The following SNX20 variants were observed in gnomAD, a reference collection of about 807,000 sequenced individuals.
SNX20 encodes sorting nexin 20, also known as sorting nexin-20.
SNX20 carries 21 observed loss-of-function variants against 24.5 expected under a neutral mutation model. That is an observed-to-expected ratio of 0.86 (90% CI 0.61 to 1.23). The LOEUF is 1.23. Among genes scored for constraint, SNX20 ranks in the 50% most tolerant of loss-of-function variants. SNX20 has a pLI of 0.00. For missense variants in SNX20, 433 were observed against 430.8 expected, an observed-to-expected ratio of 1.00 and a Z score of -0.04; for synonymous variants, 206 against 192.8, an observed-to-expected ratio of 1.07 and a Z score of -0.57.
downstream of SNX20, chr16:50,668,613 C>T: frequency 9.8e-7 from 1 of 1,016,602 alleles, no homozygotes; most frequent in Non-Finnish European, 1.2e-6. Context: ...ATTGTTGGGC[C>T]CCAGAGGGAA....
In SNX20 at chr16:50,673,323, A is replaced by AT. The variant is rs1386849803; in HGVS notation, c.*82dup. 7.9e-6 allele frequency: 11 copies of AT among 1,395,582 alleles called. No homozygotes were observed. Among genetic ancestry groups the AT allele is most frequent in the South Asian group, 1.8e-5 (1 of 56,076 alleles). The allele number at this position is 1,395,582 out of a possible 1,614,324, so 86.4% of individuals were successfully genotyped here. On this transcript the variant is annotated 3_prime_UTR_variant, in exon 4 of 4. Coordinates refer to ENST00000330943, the MANE Select transcript of SNX20 (RefSeq NM_182854.4). The surrounding 1 kb of genome is among the most constrained non-coding windows in gnomAD (Gnocchi z 4.1). ...CAAATAACAAAAAAGAAAAGGAAAA[A>AT]TAAAAAAAAAGAACCCCAAACAGCC...
chr16:50,680,748 C>T (rs1271426603), intron 1 of SNX20, among the ~76,000 whole-genome samples: 2 of 152,144 alleles, frequency 1.3e-5, no homozygotes, highest in Non-Finnish European at 2.9e-5. Context: ...GGCTCCCAAC[C>T]CAGTGTGTGT....
Position 50,674,059 on chromosome 16 carries a change from C to A in SNX20, c.298G>T (p.Val100Phe), listed in dbSNP as rs746464480. The change falls in exon 4 of 4, where the codon GTC becomes TTC. Residue 100 changes from valine (V) to phenylalanine (F), a missense_variant. Coordinates refer to ENST00000330943, the MANE Select transcript of SNX20 (RefSeq NM_182854.4). Reference protein sequence around the residue: ...VSKFVVYQIIVIQTGSFDNNK... With the variant: ...VSKFVVYQIIFIQTGSFDNNK... ...TTGTCAAAGCTCCCAGTCTGGATGACGATGATTTGGTACACCTAGGGCGCA... is the reference window on the plus strand; with the variant it reads ...TTGTCAAAGCTCCCAGTCTGGATGAAGATGATTTGGTACACCTAGGGCGCA... 6.2e-7 allele frequency: 1 copy of A among 1,602,574 alleles called. No homozygotes were observed. The highest frequency in any genetic ancestry group is 8.5e-7 in the Non-Finnish European group (1 of 1,173,726).
In SNX20 at chr16:50,680,502, C is replaced by T. The variant is rs547059552; in HGVS notation, c.-10+688G>A. 1.1e-4 allele frequency among the ~76,000 whole-genome samples: 17 copies of T among 152,310 alleles called. 1 individual carries two copies. The South Asian group carries it at 3.3e-3, about 30-fold the overall frequency. On this transcript the variant is annotated intron_variant, in intron 1 of 3. Coordinates refer to ENST00000330943, the MANE Select transcript of SNX20 (RefSeq NM_182854.4). ...GTCCTAACCACCCCCTCTCCAAGAG[C>T]TGACTGCCAAGTCCAGTCCTTCTTC...
chr16:50,679,674 G>C (rs1035100196), intron 1 of SNX20, among the ~76,000 whole-genome samples: 4 of 152,160 alleles, frequency 2.6e-5, no homozygotes, highest in Admixed American at 2.0e-4. Context: ...ATATCTCTAG[G>C]CTTCAGTTTC....
downstream of SNX20, chr16:50,668,065 G>A: frequency 6.4e-7 from 1 of 1,551,678 alleles, no homozygotes; most frequent in Non-Finnish European, 8.7e-7. Context: ...GCCAAGAGTG[G>A]GCAATCAAAG....
At position 50,673,700 on chromosome 16, in the gene SNX20, G is replaced by A; in HGVS notation, c.657C>T (p.Thr219=). The A allele has an allele frequency of 6.7e-7, 1 of 1,500,302 alleles. No homozygotes were observed. The highest frequency in any genetic ancestry group is 1.3e-5 in the South Asian group (1 of 79,760). 92.9% of individuals were successfully genotyped at this position (1,500,302 alleles called of 1,614,324 possible). Residue 219 remains threonine, a synonymous_variant, in exon 4 of 4, where the codon ACC becomes ACT. Transcript: ENST00000330943. The surrounding 1 kb of genome is among the most constrained non-coding windows in gnomAD (Gnocchi z 4.1). ...LRVLPLQEKL[T]AHCPAAAVPA... ...GGACGGCGGCCGCAGGGCAGTGGGC[G>A]GTGAGCTTCTCCTGCAGCGGCAGCA...
At chr16:50,674,229 G>A (rs113063752) in intron 3 of SNX20, among the ~76,000 whole-genome samples, 155 bp from the exon 4 acceptor site, 8,672 of 130,906 alleles carry the variant, frequency 0.066, 560 homozygotes, top group African/African-American at 0.22. Context: ...TTGTTTGTTT[G>A]TTTATTTATT....
At chr16:50,676,010 G>A (rs1255111430) in intron 2 of SNX20, 89 bp from the exon 3 acceptor site, 1 of 1,383,284 alleles carries the variant, frequency 7.2e-7, no homozygotes, top group East Asian at 2.5e-5. Flanking sequence ...TATCTGAGAT[G>A]GCATATCAGA....
At position 50,672,153 on chromosome 16, in the gene SNX20, C is replaced by T. The variant is rs1963063693; in HGVS notation, c.*1253G>A. 1 of 152,196 alleles carries T rather than the reference C, an allele frequency of 6.6e-6. No homozygotes were observed. The highest frequency in any genetic ancestry group is 1.5e-5 in the Non-Finnish European group (1 of 68,044). 9.4% of individuals were successfully genotyped at this position (152,196 alleles called of 1,614,324 possible). The stretch of plus-strand genomic sequence containing the variant: ...GTGGTGTCCTTTCCAGACAGCAGAC[C>T]TCAGTTAAGGGCATCCCAGTCCATC... On this transcript the variant is annotated 3_prime_UTR_variant, in exon 4 of 4. Coordinates refer to ENST00000330943, the MANE Select transcript of SNX20 (RefSeq NM_182854.4).
intron 1 of SNX20, among the ~76,000 whole-genome samples, chr16:50,678,862 C>A (rs1466647525): frequency 1.3e-5 from 2 of 152,226 alleles, no homozygotes; most frequent in Non-Finnish European, 2.9e-5. Flanking sequence ...GTCAGGCAGA[C>A]TCTGAAGCCT....
Position 50,673,694 on chromosome 16 carries a change from G to A in SNX20, c.663C>T (p.His221=). Residue 221 remains histidine (H), a synonymous_variant, in exon 4 of 4, where the codon CAC becomes CAT. Transcript: ENST00000330943. This position sits in a 1 kb window ranked among gnomAD's most constrained non-coding sequence, Gnocchi z 4.1. ...VLPLQEKLTA[H]CPAAAVPALC... Reference sequence around the variant, plus strand: ...GGGCCGGGACGGCGGCCGCAGGGCAGTGGGCGGTGAGCTTCTCCTGCAGCG... The same window carrying A: ...GGGCCGGGACGGCGGCCGCAGGGCAATGGGCGGTGAGCTTCTCCTGCAGCG... 6.7e-7 allele frequency: 1 copy of A among 1,499,420 alleles called. No individual in the cohort carries two copies. Among genetic ancestry groups the A allele is most frequent in the Non-Finnish European group, 8.8e-7 (1 of 1,132,714 alleles). 92.9% of individuals were successfully genotyped at this position (1,499,420 alleles called of 1,614,324 possible). A position where few individuals can be genotyped will look rare whatever the true frequency, so the allele number is the denominator to read the frequency against.
chr16:50,679,347 G>A (rs920345938), intron 1 of SNX20, among the ~76,000 whole-genome samples: 1 of 152,230 alleles, frequency 6.6e-6, no homozygotes, highest in Non-Finnish European at 1.5e-5. Flanking sequence ...TGGCCTGGGA[G>A]AGGGGAGGTC....
rs1186165347 is a variant in SNX20 at position 50,672,595 on chromosome 16, C to T, written c.*811G>A. On this transcript the variant is annotated 3_prime_UTR_variant, in exon 4 of 4. Transcript: ENST00000330943. ...CTTTTGTTTTGCTTTGTCAGGTCTA[C>T]ATGGTAAGGGGGAAGGGCTAGAATA... 1 of 150,006 alleles carries T rather than the reference C, an allele frequency of 6.7e-6. No homozygotes were observed. Among genetic ancestry groups the T allele is most frequent in the Admixed American group, 6.7e-5 (1 of 14,958 alleles). The allele number at this position is 150,006 out of a possible 1,614,324, so 9.3% of individuals were successfully genotyped here.
rs1963073949 is a variant in SNX20 at position 50,672,540 on chromosome 16, T to TGTGTGG, written c.*865_*866insCCACAC. On this transcript the variant is annotated 3_prime_UTR_variant, in exon 4 of 4. Coordinates refer to ENST00000330943, the MANE Select transcript of SNX20 (RefSeq NM_182854.4). ...GTGTGTGTGTGTGTGTGTGTGTGTG[T>TGTGTGG]AGAGGCTGTTCTTGAGGGCAATAGG... 1 of 147,662 alleles carries TGTGTGG rather than the reference T, an allele frequency of 6.8e-6. No individual in the cohort carries two copies. Among genetic ancestry groups the TGTGTGG allele is most frequent in the Admixed American group, 6.8e-5 (1 of 14,650 alleles). The allele number at this position is 147,662 out of a possible 1,614,324, so 9.1% of individuals were successfully genotyped here.
chr16:50,668,942 C>G, downstream of SNX20: 3 of 1,506,206 alleles, frequency 2.0e-6, no homozygotes, highest in South Asian at 3.9e-5. Flanking sequence ...GCGGCCCTGC[C>G]CAGGCCTCAG....
At chr16:50,679,246 C>T (rs1031051396) in intron 1 of SNX20, among the ~76,000 whole-genome samples, 7 of 152,208 alleles carry the variant, frequency 4.6e-5, no homozygotes, top group Non-Finnish European at 8.8e-5. Flanking sequence ...CAGTGCCTCC[C>T]TGGCACCCCC....
Position 50,673,843 on chromosome 16 carries a change from G to T in SNX20, c.514C>A (p.Arg172Ser), listed in dbSNP as rs562563894. The change falls in exon 4 of 4, where the codon CGC (arginine) becomes AGC (serine). Residue 172 changes from arginine (R) to serine (S), a missense_variant. By Grantham distance (110) the Arg-to-Ser change is moderately radical (BLOSUM62 -1). Coordinates refer to ENST00000330943, the MANE Select transcript of SNX20 (RefSeq NM_182854.4). This position sits in a 1 kb window ranked among gnomAD's most constrained non-coding sequence, Gnocchi z 4.1. ...AACTCCCGGGAGCGGCGCACGCAGC[G>T]GATGGCGTAGAGCAGGCCCAGGTAC... ...QEYLGLLYAI[R>S]CVRRSREFLD... 64 of 1,601,618 alleles carry T rather than the reference G, an allele frequency of 4.0e-5. No individual in the cohort carries two copies. Among genetic ancestry groups the T allele is most frequent in the African/African-American group, 2.8e-4 (21 of 74,812 alleles).
At chr16:50,667,868 C>T (rs944703006), downstream of SNX20, 7 of 771,976 alleles carry the variant, frequency 9.1e-6, no homozygotes, top group African/African-American at 1.8e-5. Flanking sequence ...GAGGGCTCGG[C>T]GTGGGGACTT....
Sources: gnomAD v4.1 joint callset for allele counts (sites outside exome capture counted in the v4.1 genomes callset) on GRCh38, gnomAD v4.1.1 for gene constraint, Gnocchi (gnomAD v3.1) non-coding constraint, MANE v1.5 for transcripts, NCBI Gene and HGNC (gene_info 2026-07-23, HGNC 2026-07-21) for gene names.